SNTG1: variants seen among roughly 807,000 people sequenced by gnomAD.
SNTG1 encodes syntrophin gamma 1.
SNTG1 carries 39 observed loss-of-function variants against 74.7 expected under a neutral mutation model. That is an observed-to-expected ratio of 0.52 (90% CI 0.40 to 0.68). SNTG1 has a LOEUF of 0.68. SNTG1 is among the 30% of genes least tolerant of loss of function. The pLI is 0.00. For synonymous variants in SNTG1, 254 were observed against 217.1 expected, an observed-to-expected ratio of 1.17 and a Z score of -1.49; for missense variants, 685 against 609.5, an observed-to-expected ratio of 1.12 and a Z score of -1.30.
intron 13 of SNTG1, among the ~76,000 whole-genome samples, chr8:50,630,411 G>C (rs2094988776): frequency 1.3e-5 from 2 of 152,092 alleles, no homozygotes; most frequent in African/African-American, 2.4e-5. Context: ...TAATGCCAAG[G>C]GTTTTGGGGT....
At chr8:50,354,816 C>T (rs1311514529) in intron 2 of SNTG1, among the ~76,000 whole-genome samples, 1 of 152,092 alleles carries the variant, frequency 6.6e-6, no homozygotes, top group African/African-American at 2.4e-5. Context: ...AACTCAGCTG[C>T]TTGCAGTGGC....
chr8:50,451,250 G>T (rs1391374194), intron 8 of SNTG1, among the ~76,000 whole-genome samples: 4 of 152,128 alleles, frequency 2.6e-5, no homozygotes, highest in Non-Finnish European at 4.4e-5. Context: ...CATTATATTA[G>T]ATATTGCAAG....
At chr8:50,236,123 T>C (rs769122880) in intron 2 of SNTG1, among the ~76,000 whole-genome samples, 1 of 152,184 alleles carries the variant, frequency 6.6e-6, no homozygotes, top group Non-Finnish European at 1.5e-5. Flanking sequence ...TACAATTTTA[T>C]CTGGATGGTT....
At chr8:50,764,448 G>T (rs1399169624) in intron 18 of SNTG1, among the ~76,000 whole-genome samples, 3 of 151,756 alleles carry the variant, frequency 2.0e-5, no homozygotes, top group African/African-American at 7.3e-5. Flanking sequence ...CATTAAAATT[G>T]GGCAAAGGAC....
intron 1 of SNTG1, among the ~76,000 whole-genome samples, chr8:49,964,921 C>A (rs1471509679): frequency 1.3e-5 from 2 of 152,098 alleles, no homozygotes; most frequent in Non-Finnish European, 2.9e-5. Context: ...TAAGTATTAT[C>A]AAACCACATT....
intron 2 of SNTG1, among the ~76,000 whole-genome samples, chr8:50,226,330 C>T (rs1456276963): frequency 6.6e-6 from 1 of 152,108 alleles, no homozygotes; most frequent in African/African-American, 2.4e-5. Flanking sequence ...GGAAGAAAAT[C>T]AAAATATTTG....
intron 1 of SNTG1, among the ~76,000 whole-genome samples, chr8:50,102,121 G>A (rs1451798600): frequency 2.0e-5 from 3 of 150,742 alleles, no homozygotes; most frequent in African/African-American, 4.9e-5. Flanking sequence ...CTAGATCCCT[G>A]AGGAATCGCC....
intron 13 of SNTG1, among the ~76,000 whole-genome samples, chr8:50,637,362 T>C (rs2095045762): frequency 6.6e-6 from 1 of 152,112 alleles, no homozygotes; most frequent in Admixed American, 6.6e-5. Flanking sequence ...AGAAAAAATG[T>C]CCCACGAAGT....
chr8:50,718,274 T>G (rs2095479501), intron 17 of SNTG1, among the ~76,000 whole-genome samples: 1 of 151,956 alleles, frequency 6.6e-6, no homozygotes, highest in Non-Finnish European at 1.5e-5. Flanking sequence ...GGAGGAAAAT[T>G]AGGGGTTGGG....
chr8:50,041,175 C>T (rs1240344738), intron 1 of SNTG1, among the ~76,000 whole-genome samples: 3 of 152,082 alleles, frequency 2.0e-5, no homozygotes, highest in Non-Finnish European at 4.4e-5. Flanking sequence ...GGATTACAGG[C>T]GTGAGCCACC....
chr8:50,074,502 A>G (rs1302663608), intron 1 of SNTG1, among the ~76,000 whole-genome samples: 3 of 152,212 alleles, frequency 2.0e-5, no homozygotes, highest in African/African-American at 7.2e-5. Context: ...TGAGAGAGAT[A>G]GAGAAACAGC....
At chr8:50,109,451 G>A (rs1257670489) in intron 1 of SNTG1, among the ~76,000 whole-genome samples, 1 of 152,238 alleles carries the variant, frequency 6.6e-6, no homozygotes, top group East Asian at 1.9e-4. Context: ...ATAAAACATG[G>A]AGGAATCATA....
At chr8:50,519,757 G>A (rs1175720494) in intron 9 of SNTG1, among the ~76,000 whole-genome samples, 1 of 152,052 alleles carries the variant, frequency 6.6e-6, no homozygotes, top group Non-Finnish European at 1.5e-5. Context: ...GGAAGTGAAG[G>A]ACCTCTTCAA....
At chr8:50,434,961 AT>A (rs1361648708) in intron 4 of SNTG1, among the ~76,000 whole-genome samples, 1 of 152,006 alleles carries the variant, frequency 6.6e-6, no homozygotes, top group Non-Finnish European at 1.5e-5. Context: ...AAATCTCAAA[AT>A]TTCAATACCT....
intron 2 of SNTG1, among the ~76,000 whole-genome samples, chr8:50,383,942 T>C (rs2092532249): frequency 6.6e-6 from 1 of 152,144 alleles, no homozygotes; most frequent in Non-Finnish European, 1.5e-5. Context: ...AATGAAATCA[T>C]TGTTGGATCT....
At chr8:50,392,480 A>G (rs919052763) in intron 2 of SNTG1, among the ~76,000 whole-genome samples, 5 of 152,192 alleles carry the variant, frequency 3.3e-5, no homozygotes, top group Non-Finnish European at 5.9e-5. Context: ...CTCTTTGGCT[A>G]TTATTCCCTC....
At chr8:50,237,050 G>C (rs538835641) in intron 2 of SNTG1, among the ~76,000 whole-genome samples, 1 of 152,072 alleles carries the variant, frequency 6.6e-6, no homozygotes, top group Non-Finnish European at 1.5e-5. Flanking sequence ...AGAATATCTT[G>C]TAATAATTTA....
chr8:50,301,047 G>A (rs1295085060), intron 2 of SNTG1, among the ~76,000 whole-genome samples: 1 of 152,076 alleles, frequency 6.6e-6, no homozygotes, highest in Non-Finnish European at 1.5e-5. Flanking sequence ...TTATCTAGGT[G>A]TGTGTTTTTG....
At chr8:50,018,006 A>T (rs1816489372) in intron 1 of SNTG1, among the ~76,000 whole-genome samples, 1 of 152,024 alleles carries the variant, frequency 6.6e-6, no homozygotes, top group South Asian at 2.1e-4. Context: ...AAAAATTTGA[A>T]AGAAATTAAA....
Sources: allele counts gnomAD v4.1 joint callset (sites outside exome capture counted in the v4.1 genomes callset), GRCh38; gene constraint gnomAD v4.1.1; transcripts MANE v1.5; gene names NCBI Gene and HGNC (gene_info 2026-07-23, HGNC 2026-07-21).